The following TAL1 variants were observed in gnomAD, a reference collection of about 807,000 sequenced individuals.
The protein encoded by TAL1 is TAL bHLH transcription factor 1, erythroid differentiation factor.
TAL1 carries 8 observed loss-of-function variants against 17.9 expected under a neutral mutation model. That is an observed-to-expected ratio of 0.45 (90% CI 0.26 to 0.81). The LOEUF is 0.81. TAL1 is among the 30% of genes least tolerant of loss of function. The probability of loss-of-function intolerance (pLI) is 0.17; values close to 1 mark genes in which losing one functional copy is unlikely to be tolerated. For missense variants in TAL1, 466 were observed against 486.9 expected, an observed-to-expected ratio of 0.96 and a Z score of 0.40; for synonymous variants, 223 against 218.6, an observed-to-expected ratio of 1.02 and a Z score of -0.18.
upstream of TAL1, chr1:47,232,330 T>C (rs565975054): frequency 2.7e-4 from 41 of 152,560 alleles, no homozygotes; most frequent in East Asian, 7.5e-3. Flanking sequence ...CTCGTTAGCA[T>C]GGGCCGAGGC....
chr1:47,231,837 C>G (rs1569942190), upstream of TAL1: 5 of 233,742 alleles, frequency 2.1e-5, no homozygotes, highest in East Asian at 3.0e-4. Flanking sequence ...CCACAGTTCT[C>G]ATGAACGCAC....
intron 2 of TAL1, 118 bp downstream of exon 3, chr1:47,225,325 C>T: frequency 1.1e-5 from 11 of 976,948 alleles, no homozygotes; most frequent in Non-Finnish European, 1.3e-5. Context: ...CCTCTCCCTG[C>T]GCTCCACCCG....
exon 4 of TAL1, chr1:47,217,140 G>A (rs1645510450): frequency 8.3e-6 from 2 of 239,580 alleles, no homozygotes; most frequent in Non-Finnish European, 1.6e-5. Context: ...AGTGCTTCTG[G>A]AGGCAAAGGC....
rs753933857 is a variant in TAL1, at chr1:47,219,772, C to A, written c.944G>T (p.Arg315Leu). 41 of 1,611,146 alleles carry A rather than the reference C, an allele frequency of 2.5e-5. No individual in the cohort carries two copies. Among genetic ancestry groups the A allele is most frequent in the Non-Finnish European group, 3.3e-5 (39 of 1,179,888 alleles). ...AGGCAGCATGGCAGGATGGAGGCTG[C>A]GGGCCGTGTGCTTGGGCGCGGGCTC... Residue 315 changes from arginine (R) to leucine (L), a missense_variant, in exon 4 of 4, where the codon CGC (arginine) becomes CTC (leucine). By Grantham distance (102) the Arg-to-Leu change is moderately radical. Around this residue, in one of 5 missense-constraint regions of TAL1, gnomAD observed 134 missense variants for 122.0 expected, o/e 1.10. Coordinates refer to ENST00000294339, the Ensembl canonical transcript of TAL1.
exon 4 of TAL1, chr1:47,217,591 C>T (rs1000718576): frequency 2.5e-6 from 1 of 398,630 alleles, no homozygotes; most frequent in African/African-American, 2.1e-5. Context: ...TCTTTACGTT[C>T]TCAAAACTGT....
chr1:47,218,402 A>C, exon 4 of TAL1: 1 of 232,778 alleles, frequency 4.3e-6, no homozygotes, highest in Non-Finnish European at 8.5e-6. Context: ...TGCAGTGGTT[A>C]TTTCTTTAAA....
At chr1:47,231,570 C>T (rs183924016), upstream of TAL1, 100 of 233,788 alleles carry the variant, frequency 4.3e-4, no homozygotes, top group African/African-American at 1.8e-3. Flanking sequence ...CACGGACACA[C>T]AATCCAGCAC....
exon 4 of TAL1, chr1:47,217,120 C>A (rs1645510056): frequency 4.2e-6 from 1 of 237,396 alleles, no homozygotes; most frequent in Non-Finnish European, 8.2e-6. Context: ...TGGCTGACAC[C>A]TGTGATCCCA....
intron 1 of TAL1, chr1:47,226,257 T>G: frequency 2.1e-5 from 5 of 235,162 alleles, no homozygotes; most frequent in Non-Finnish European, 1.6e-5. Context: ...AAGAAAGAGA[T>G]TACTCTGTCC....
intron 3 of TAL1, among the ~76,000 whole-genome samples, chr1:47,222,923 A>T (rs1643851684): frequency 1.3e-5 from 2 of 151,940 alleles, no homozygotes; most frequent in South Asian, 4.2e-4. Context: ...CCTGTTTGGT[A>T]CACCCACCTC....
chr1:47,219,894 G>GGCGGCCC lies in TAL1; in HGVS notation c.821_822insGGGCCGC (p.Ala275GlyfsTer7). ...CTTGCAGGAGGTCATCTGGGGGCGC[G>GGCGGCCC]CCGCCCCCTCCCCCACCTCCACCCC... On this transcript the variant is annotated frameshift_variant, in exon 4 of 4. Transcript: ENST00000294339. LOFTEE classifies it high-confidence loss of function. 2 of 1,556,028 alleles carry GGCGGCCC rather than the reference G, an allele frequency of 1.3e-6. No individual in the cohort carries two copies. The highest frequency in any genetic ancestry group is 8.7e-7 in the Non-Finnish European group (1 of 1,149,576).
intron 3 of TAL1, among the ~76,000 whole-genome samples, 200 bp from the exon 5 acceptor site, chr1:47,220,374 C>A (rs979441266): frequency 8.5e-5 from 13 of 152,160 alleles, no homozygotes; most frequent in Non-Finnish European, 1.6e-4. Context: ...TGTAACCAAC[C>A]ACCACGATAC....
In TAL1 at chr1:47,226,643, C is replaced by G. The variant is rs536710887; in HGVS notation, c.-1-754G>C. Among the ~76,000 whole-genome samples, 6 of 152,338 alleles carry G rather than the reference C, an allele frequency of 3.9e-5. No homozygotes were observed. In the South Asian group the frequency reaches 1.2e-3, roughly 32 times the overall value. ...CAGCGGATCTTTACTCCCACTCAGACAGAGATGAGAGGTCGCCAAGGGAAG... is the reference window on the plus strand; with the variant it reads ...CAGCGGATCTTTACTCCCACTCAGAGAGAGATGAGAGGTCGCCAAGGGAAG... On this transcript the variant is annotated intron_variant, in intron 1 of 3. Coordinates refer to ENST00000294339, the Ensembl canonical transcript of TAL1.
chr1:47,218,416 T>C, exon 4 of TAL1: 1 of 232,780 alleles, frequency 4.3e-6, no homozygotes, highest in East Asian at 6.1e-5. Flanking sequence ...CTTTAAAAGA[T>C]GAAGGATAAG....
chr1:47,226,726 C>CTT (rs769291097), intron 1 of TAL1, among the ~76,000 whole-genome samples: 1 of 152,202 alleles, frequency 6.6e-6, no homozygotes, highest in African/African-American at 2.4e-5. Context: ...CAGCTGGACT[C>CTT]TGAAGTGAGG....
intron 3 of TAL1, 132 bp downstream of exon 4, chr1:47,223,872 G>A (rs957377033): frequency 1.2e-5 from 10 of 850,236 alleles, no homozygotes; most frequent in Admixed American, 1.9e-5. Flanking sequence ...GAAGGGCTTC[G>A]GCAGTTTGGG....
chr1:47,217,918 GC>G (rs1645531387), exon 4 of TAL1: 1 of 396,928 alleles, frequency 2.5e-6, no homozygotes, highest in Non-Finnish European at 4.4e-6. Flanking sequence ...GATCTGGGGA[GC>G]CTGAAATTGA....
chr1:47,225,683 C>T (rs2148591615), exon 2 of TAL1: 2 of 1,425,536 alleles, frequency 1.4e-6, no homozygotes, highest in South Asian at 1.4e-5. Context: ...TCTCGCGGCG[C>T]CGCCCCCACC....
chr1:47,219,894 G>T (rs762971421), exon 4 of TAL1: 3 of 1,556,038 alleles, frequency 1.9e-6, no homozygotes, highest in Non-Finnish European at 2.6e-6. Context: ...CTGGGGGCGC[G>T]CCGCCCCCTC....
Sources: allele counts gnomAD v4.1 joint callset (sites outside exome capture counted in the v4.1 genomes callset), GRCh38; gene constraint gnomAD v4.1.1; regional missense constraint gnomAD v4.1.1; transcripts MANE v1.5; gene names NCBI Gene and HGNC (gene_info 2026-07-23, HGNC 2026-07-21).